Variants in PDE4D observed in about 807,000 individuals in gnomAD.
PDE4D encodes the protein phosphodiesterase 4D.
PDE4D carries 24 observed loss-of-function variants against 87.4 expected under a neutral mutation model. That is an observed-to-expected ratio of 0.27 (90% CI 0.20 to 0.39). PDE4D has a LOEUF of 0.39. PDE4D is among the 10% of genes least tolerant of loss of function. PDE4D has a pLI of 1.00. For missense variants in PDE4D, 714 were observed against 1,041.0 expected (o/e 0.69, Z 4.32); for synonymous variants, 384 against 383.2 (o/e 1.00, Z -0.02).
chr5:60,226,662 C>G (rs1205278560), intron 1 of PDE4D, among the ~76,000 whole-genome samples: 1 of 152,050 alleles, frequency 6.6e-6, no homozygotes, highest in African/African-American at 2.4e-5. Context: ...AGGCTGGAAT[C>G]AGAAGAAACA....
At chr5:60,150,821 T>C (rs1477071317) in intron 2 of PDE4D, among the ~76,000 whole-genome samples, 3 of 152,098 alleles carry the variant, frequency 2.0e-5, no homozygotes, top group Non-Finnish European at 4.4e-5. Context: ...AATCTGTGAA[T>C]ACAGAATAAA....
At chr5:60,045,503 A>G (rs2152872811) in intron 2 of PDE4D, among the ~76,000 whole-genome samples, 2 of 152,240 alleles carry the variant, frequency 1.3e-5, no homozygotes, top group South Asian at 4.1e-4. Context: ...TAGGTCTAAC[A>G]TTTAAGTCTT....
intron 2 of PDE4D, among the ~76,000 whole-genome samples, chr5:59,201,598 A>G (rs1561695583): frequency 6.6e-6 from 1 of 152,218 alleles, no homozygotes; most frequent in Non-Finnish European, 1.5e-5. Flanking sequence ...CCTTGGTATT[A>G]GACATACTTG....
At chr5:59,800,222 G>A (rs1032229329) in intron 1 of PDE4D, among the ~76,000 whole-genome samples, 3 of 151,788 alleles carry the variant, frequency 2.0e-5, no homozygotes. Context: ...TAGAATCAAA[G>A]TTCCCACAAT....
At chr5:59,817,172 T>C (rs1769068434) in intron 1 of PDE4D, among the ~76,000 whole-genome samples, 1 of 152,242 alleles carries the variant, frequency 6.6e-6, no homozygotes. Context: ...AACGTGAATG[T>C]GCTCAGTAGC....
chr5:59,680,335 T>A (rs1215311997), intron 1 of PDE4D, among the ~76,000 whole-genome samples: 1 of 152,138 alleles, frequency 6.6e-6, no homozygotes, highest in Non-Finnish European at 1.5e-5. Flanking sequence ...GATTTTCTGA[T>A]TTAGATCACA....
chr5:60,476,168 A>G (rs1417023056), intron 1 of PDE4D, among the ~76,000 whole-genome samples: 2 of 152,210 alleles, frequency 1.3e-5, no homozygotes, highest in Non-Finnish European at 2.9e-5. Flanking sequence ...CAAGTTTTAT[A>G]TATTTCTAAT....
intron 1 of PDE4D, among the ~76,000 whole-genome samples, chr5:60,482,376 C>A (rs1289891051): frequency 2.6e-5 from 4 of 152,170 alleles, no homozygotes; most frequent in Non-Finnish European, 4.4e-5. Flanking sequence ...TTTGTTACAG[C>A]AGCCTGAACT....
At position 58,975,536 on chromosome 5, in the gene PDE4D, G is replaced by A; in HGVS notation, c.2013+121C>T. 1 of 716,442 alleles carries A rather than the reference G, an allele frequency of 1.4e-6. No homozygotes were observed. Among genetic ancestry groups the A allele is most frequent in the Non-Finnish European group, 2.1e-6 (1 of 478,536 alleles). 44.4% of individuals were successfully genotyped at this position (716,442 alleles called of 1,614,324 possible). A position where few individuals can be genotyped will look rare whatever the true frequency, so the allele number is the denominator to read the frequency against. On this transcript the variant is annotated intron_variant, in intron 14 of 14. Coordinates refer to ENST00000340635, the MANE Select transcript of PDE4D (RefSeq NM_001104631.2). This position sits in a 1 kb window ranked among gnomAD's most constrained non-coding sequence, Gnocchi z 4.2. ...ATCATAAATACTAAGGTGAAATTGA[G>A]CTTGTCAAAAACAAAGTAATTTTAA... is the stretch of plus-strand genomic sequence containing the variant.
chr5:59,518,193 T>TTGTG lies in PDE4D; in HGVS notation c.456-302229_456-302226dup, dbSNP rs34669732. Among the ~76,000 whole-genome samples the TTGTG allele has an allele frequency of 1.1e-3, 167 of 149,538 alleles. 1 individual carries two copies. The highest frequency in any genetic ancestry group is 3.9e-3 in the South Asian group (18 of 4,674). ...AGTATATATGTATGTACTTGTGTGT[T>TTGTG]TGTGTGTGTGTGTGTGTGTGTGTGT... On this transcript the variant is annotated intron_variant, in intron 1 of 14. Coordinates refer to ENST00000340635, the MANE Select transcript of PDE4D (RefSeq NM_001104631.2).
intron 1 of PDE4D, among the ~76,000 whole-genome samples, chr5:59,428,801 G>C (rs893925319): frequency 6.6e-6 from 1 of 152,072 alleles, no homozygotes; most frequent in African/African-American, 2.4e-5. Flanking sequence ...TAGAATGAAA[G>C]CTCCAGATGT....
intron 1 of PDE4D, among the ~76,000 whole-genome samples, chr5:60,264,592 T>C (rs1279839892): frequency 1.3e-5 from 2 of 152,228 alleles, no homozygotes; most frequent in Admixed American, 6.5e-5. Context: ...TCAGAAGATG[T>C]GAAGTACAGT....
chr5:59,880,362 G>A (rs755425079), intron 1 of PDE4D, among the ~76,000 whole-genome samples: 3 of 152,022 alleles, frequency 2.0e-5, no homozygotes, highest in Admixed American at 6.6e-5. Flanking sequence ...ATCCCGCCTC[G>A]GCCTCCTAAA....
At chr5:59,839,291 C>A (rs1742618182) in intron 1 of PDE4D, among the ~76,000 whole-genome samples, 1 of 151,750 alleles carries the variant, frequency 6.6e-6, no homozygotes, top group Admixed American at 6.6e-5. Context: ...GCAATTAGGG[C>A]CTCTGAGAGA....
chr5:59,052,110 A>G (rs1031334150), intron 5 of PDE4D, among the ~76,000 whole-genome samples: 2 of 152,188 alleles, frequency 1.3e-5, no homozygotes, highest in South Asian at 4.1e-4. Context: ...AATCAGACAC[A>G]TGATCGGCTG....
chr5:59,809,025 T>G (rs1214374639), intron 1 of PDE4D, among the ~76,000 whole-genome samples: 2 of 152,154 alleles, frequency 1.3e-5, no homozygotes, highest in African/African-American at 4.8e-5. Flanking sequence ...AACATTCCAG[T>G]GACATATCGA....
chr5:60,255,632 G>C (rs1242428453), intron 1 of PDE4D, among the ~76,000 whole-genome samples: 1 of 151,716 alleles, frequency 6.6e-6, no homozygotes, highest in Admixed American at 6.6e-5. Context: ...GTTATAAGAA[G>C]TAAATAACTC....
chr5:60,299,044 T>C (rs956959309), intron 1 of PDE4D, among the ~76,000 whole-genome samples: 3 of 152,194 alleles, frequency 2.0e-5, no homozygotes, highest in Non-Finnish European at 2.9e-5. Context: ...CTGGATTGTG[T>C]CTTCATTCCA....
chr5:59,748,091 G>C (rs1759885981), intron 1 of PDE4D, among the ~76,000 whole-genome samples: 1 of 152,082 alleles, frequency 6.6e-6, no homozygotes, highest in Non-Finnish European at 1.5e-5. Context: ...CTTTTATAAG[G>C]AGGCCTTCAC....
Sources: gnomAD v4.1 joint callset for allele counts (sites outside exome capture counted in the v4.1 genomes callset) on GRCh38, gnomAD v4.1.1 for gene constraint, Gnocchi (gnomAD v3.1) non-coding constraint, MANE v1.5 for transcripts, NCBI Gene and HGNC (gene_info 2026-07-23, HGNC 2026-07-21) for gene names.